Variants in PHTF1 observed in about 807,000 individuals in gnomAD.
The protein encoded by PHTF1 is putative homeodomain transcription factor 1.
PHTF1 carries 88 observed loss-of-function variants against 102.4 expected under a neutral mutation model. The observed-to-expected ratio is 0.86, with a 90% CI of 0.72 to 1.03. The LOEUF is 1.03. PHTF1 is among the 50% of genes least tolerant of loss of function. The pLI is 0.00. For missense variants in PHTF1, 814 were observed against 909.5 expected (o/e 0.89, Z 1.35); for synonymous variants, 289 against 305.2 (o/e 0.95, Z 0.55).
chr1:113,733,829 T>A (rs1430177545), intron 5 of PHTF1, among the ~76,000 whole-genome samples: 2 of 152,150 alleles, frequency 1.3e-5, no homozygotes, highest in African/African-American at 4.8e-5. Flanking sequence ...GGTCCTACTA[T>A]AACAAATACC....
At chr1:113,708,385 G>C (rs1261456314) in intron 11 of PHTF1, among the ~76,000 whole-genome samples, 1 of 152,216 alleles carries the variant, frequency 6.6e-6, no homozygotes, top group African/African-American at 2.4e-5. Context: ...CAGTACTTTC[G>C]GAGGCCGAGG....
chr1:113,743,611 G>A (rs1290464265), intron 3 of PHTF1, among the ~76,000 whole-genome samples: 2 of 152,068 alleles, frequency 1.3e-5, no homozygotes. Flanking sequence ...TACTTTTTAT[G>A]ACTGACAGTG....
At chr1:113,699,308 C>T (rs548775953) in intron 17 of PHTF1, 2 of 289,568 alleles carry the variant, frequency 6.9e-6, no homozygotes, top group East Asian at 1.1e-4. Context: ...ATGATTATAG[C>T]CCCATGGATG....
At chr1:113,713,233 G>A in intron 8 of PHTF1, 46 bp downstream of exon 8, 1 of 1,530,560 alleles carries the variant, frequency 6.5e-7, no homozygotes, top group Non-Finnish European at 9.0e-7. Context: ...ATAGGAAAAT[G>A]TTACATGGGG....
At chr1:113,758,311 A>C (rs1659200911) in intron 2 of PHTF1, among the ~76,000 whole-genome samples, 1 of 151,934 alleles carries the variant, frequency 6.6e-6, no homozygotes, top group Admixed American at 6.6e-5. Context: ...AAAGATAAGG[A>C]ACAGCTCAAT....
chr1:113,712,031 A>G lies in PHTF1; in HGVS notation c.866T>C (p.Leu289Ser). The change falls in exon 9 of 19, where the codon TTA (leucine) becomes TCA (serine). Residue 289 changes from leucine to serine, a missense_variant. Leu to Ser is a moderately radical substitution (Grantham distance 145, BLOSUM62 -2). Transcript: ENST00000369604. The stretch of plus-strand genomic sequence containing the variant: ...GGCCCCTTCCACACTCCTACGCAAT[A>G]ATATCATCTGTGTCCGTGCTTCACC... ...EDGEARTQMI[L>S]LRRSVEGASS... 1 of 1,613,890 alleles carries G rather than the reference A, an allele frequency of 6.2e-7. No individual in the cohort carries two copies. The highest frequency in any genetic ancestry group is 8.5e-7 in the Non-Finnish European group (1 of 1,179,790).
rs1260828078 is a variant in PHTF1, at chr1:113,697,399, A to G, written c.*306T>C. On this transcript the variant is annotated 3_prime_UTR_variant, in exon 19 of 19. Coordinates refer to ENST00000369604, the MANE Select transcript of PHTF1 (RefSeq NM_001323043.2). The stretch of plus-strand genomic sequence containing the variant: ...GCCCAAAAGACTATGTCCAGTAAAC[A>G]TAACTGTCACAGTACTGAAGCGCAA... 1.9e-5 allele frequency: 5 copies of G among 269,620 alleles called. No homozygotes were observed. The highest frequency in any genetic ancestry group is 7.6e-5 in the East Asian group (1 of 13,234). 16.7% of individuals were successfully genotyped at this position (269,620 alleles called of 1,614,324 possible). A position where few individuals can be genotyped will look rare whatever the true frequency, so the allele number is the denominator to read the frequency against.
intron 7 of PHTF1, chr1:113,714,652 C>T (rs566935215): frequency 6.6e-6 from 1 of 152,370 alleles, no homozygotes; most frequent in Admixed American, 6.5e-5. Context: ...GTTCTCAACG[C>T]CAGGCCCTGA....
intron 10 of PHTF1, 96 bp downstream of exon 10, chr1:113,711,650 A>T: frequency 2.3e-6 from 2 of 854,316 alleles, no homozygotes; most frequent in Non-Finnish European, 3.8e-6. Context: ...GGCAAATATT[A>T]ATGTAAATGC....
intron 3 of PHTF1, among the ~76,000 whole-genome samples, chr1:113,753,888 G>A (rs1658470614): frequency 6.6e-6 from 1 of 151,118 alleles, no homozygotes; most frequent in African/African-American, 2.4e-5. Flanking sequence ...CCGGGCTAGT[G>A]TCAAATCCCT....
upstream of PHTF1, among the ~76,000 whole-genome samples, chr1:113,759,868 C>T (rs1488835592): frequency 1.3e-5 from 2 of 152,244 alleles, no homozygotes; most frequent in Non-Finnish European, 2.9e-5. Context: ...CTGGCACAAG[C>T]CTGGCACTTA....
intron 5 of PHTF1, among the ~76,000 whole-genome samples, chr1:113,735,680 A>G (rs1655385869): frequency 6.6e-6 from 1 of 152,210 alleles, no homozygotes; most frequent in Admixed American, 6.5e-5. Flanking sequence ...GAACATTTCC[A>G]TTACAGATAT....
intron 5 of PHTF1, among the ~76,000 whole-genome samples, chr1:113,735,387 A>AAT (rs1184448976): frequency 6.0e-5 from 9 of 149,030 alleles, no homozygotes; most frequent in African/African-American, 2.2e-4. Context: ...AAAAAAAAAA[A>AAT]AAAAAAAAGG....
intron 5 of PHTF1, among the ~76,000 whole-genome samples, chr1:113,728,970 C>A (rs1271798962): frequency 6.6e-6 from 1 of 152,118 alleles, no homozygotes; most frequent in Non-Finnish European, 1.5e-5. Flanking sequence ...GAGTCACTCC[C>A]ACATTTGTTG....
At chr1:113,736,169 C>T (rs910592613) in intron 5 of PHTF1, among the ~76,000 whole-genome samples, 5 of 151,430 alleles carry the variant, frequency 3.3e-5, no homozygotes, top group Non-Finnish European at 5.9e-5. Context: ...GGTGAAACCC[C>T]GTCTCTACTA....
chr1:113,758,903 A>C, intron 1 of PHTF1, 120 bp downstream of exon 1: 2 of 1,201,688 alleles, frequency 1.7e-6, no homozygotes, highest in Non-Finnish European at 2.1e-6. Context: ...CGCAGCGGCG[A>C]CCGGAGAAGC....
Position 113,697,660 on chromosome 1 carries a change from T to A in PHTF1, c.*45A>T. 7.0e-7 allele frequency: 1 copy of A among 1,425,134 alleles called. No homozygotes were observed. Among genetic ancestry groups the A allele is most frequent in the Non-Finnish European group, 9.9e-7 (1 of 1,010,706 alleles). The allele number at this position is 1,425,134 out of a possible 1,614,324, so 88.3% of individuals were successfully genotyped here. ...TGCAGTCATCACTTTCCTTGATAGG[T>A]AAGTTTTGATACCAGCCAGGGGAGA... is the stretch of plus-strand genomic sequence containing the variant. On this transcript the variant is annotated 3_prime_UTR_variant, in exon 19 of 19. Coordinates refer to ENST00000369604, the MANE Select transcript of PHTF1 (RefSeq NM_001323043.2).
chr1:113,715,648 CAAAAAAAAAAAAAAAAAAA>C (rs60517410), intron 7 of PHTF1, among the ~76,000 whole-genome samples: 2 of 24,978 alleles, frequency 8.0e-5, no homozygotes, highest in Non-Finnish European at 7.9e-5. Context: ...AACCCTGTCT[CAAAAAAAAAAAAAAAAAAA>C]AAAAAAAAAA....
At chr1:113,698,152 AACACACACACACAC>A (rs59861045) in intron 18 of PHTF1, 96 bp downstream of exon 18, 172 of 549,404 alleles carry the variant, frequency 3.1e-4, no homozygotes, top group Non-Finnish European at 3.5e-4. Context: ...GCATGCTAGA[AACACACACACACAC>A]ACACACACAC....
Sources: allele counts gnomAD v4.1 joint callset (sites outside exome capture counted in the v4.1 genomes callset), GRCh38; gene constraint gnomAD v4.1.1; transcripts MANE v1.5; gene names NCBI Gene and HGNC (gene_info 2026-07-23, HGNC 2026-07-21).